CACNA1A: variants seen among roughly 807,000 people sequenced by gnomAD.
The protein encoded by CACNA1A is voltage-dependent P/Q-type calcium channel subunit alpha-1A.
A neutral mutation model predicts 262.4 loss-of-function variants in CACNA1A; 57 were observed. That is an observed-to-expected ratio of 0.22 (90% confidence interval 0.18 to 0.27). CACNA1A has a LOEUF of 0.27. CACNA1A is among the 10% of genes least tolerant of loss of function. The probability of loss-of-function intolerance (pLI) is 1.00; values close to 1 mark genes in which losing one functional copy is unlikely to be tolerated. For missense variants in CACNA1A, 2,526 were observed against 3,562.8 expected, an observed-to-expected ratio of 0.71 and a Z score of 7.41; for synonymous variants, 1,431 against 1,419.3, an observed-to-expected ratio of 1.01 and a Z score of -0.18.
At chr19:13,474,906 T>C (rs1194175002) in intron 1 of CACNA1A, among the ~76,000 whole-genome samples, 2 of 151,858 alleles carry the variant, frequency 1.3e-5, no homozygotes, top group South Asian at 2.1e-4. Flanking sequence ...AAAAAGGTCA[T>C]AGAAACAAGG....
chr19:13,305,753 G>A (rs1373749146), intron 15 of CACNA1A, among the ~76,000 whole-genome samples: 2 of 152,158 alleles, frequency 1.3e-5, no homozygotes, highest in African/African-American at 4.8e-5. Flanking sequence ...CATGACTAGC[G>A]ATCAGTGCTA....
intron 11 of CACNA1A, among the ~76,000 whole-genome samples, chr19:13,314,488 G>A (rs1205648732): frequency 1.3e-5 from 2 of 152,126 alleles, no homozygotes; most frequent in Non-Finnish European, 1.5e-5. Context: ...GAGGAAGTTT[G>A]TCCCTCTTGC....
intron 24 of CACNA1A, chr19:13,273,723 C>G (rs1018211127): frequency 4.6e-5 from 7 of 151,956 alleles, no homozygotes; most frequent in African/African-American, 7.3e-5. Context: ...TTCTAAATAG[C>G]AAATTCATTG....
At chr19:13,492,243 G>A (rs541327783) in intron 1 of CACNA1A, among the ~76,000 whole-genome samples, 3 of 152,162 alleles carry the variant, frequency 2.0e-5, no homozygotes, top group Middle Eastern at 3.4e-3. Flanking sequence ...CAAAGACATC[G>A]GTAAAGAATG....
chr19:13,395,273 C>CAAAAA (rs58840618), intron 3 of CACNA1A, among the ~76,000 whole-genome samples: 3 of 88,872 alleles, frequency 3.4e-5, no homozygotes, highest in Admixed American at 1.3e-4. Context: ...GACTCCATCT[C>CAAAAA]AAAAAAAAAA....
chr19:13,208,647 C>T, intron 46 of CACNA1A, 109 bp downstream of exon 46: 1 of 1,356,482 alleles, frequency 7.4e-7, no homozygotes, highest in Non-Finnish European at 9.8e-7. Flanking sequence ...GTGGTCACAG[C>T]CGGGATCCGG....
rs974515720 is a variant in CACNA1A, at chr19:13,293,439, C to CTTTTTTTT, written c.3089+5097_3089+5104dup. 1.2e-3 allele frequency among the ~76,000 whole-genome samples: 101 copies of CTTTTTTTT among 80,894 alleles called. 2 individuals are homozygous for CTTTTTTTT. Among genetic ancestry groups the CTTTTTTTT allele is most frequent in the East Asian group, 3.0e-3 (6 of 2,024 alleles). The allele number at this position is 80,894 out of a possible 152,430, so 53.1% of individuals were successfully genotyped here. A position where few individuals can be genotyped will look rare whatever the true frequency, so the allele number is the denominator to read the frequency against. The stretch of plus-strand genomic sequence containing the variant: ...TTTACACGTACTAACTCAGTTAAAT[C>CTTTTTTTT]TTTTTTTTTTTTTTTTTTTTTTTTG... On this transcript the variant is annotated intron_variant, in intron 19 of 46. Transcript: ENST00000360228.
At chr19:13,437,868 C>A (rs2060641127) in intron 3 of CACNA1A, among the ~76,000 whole-genome samples, 1 of 151,962 alleles carries the variant, frequency 6.6e-6, no homozygotes. Flanking sequence ...AACATTTCAA[C>A]AAACAAAATC....
chr19:13,440,897 C>T (rs959184031), intron 3 of CACNA1A, among the ~76,000 whole-genome samples: 9 of 152,240 alleles, frequency 5.9e-5, no homozygotes, highest in Non-Finnish European at 8.8e-5. Flanking sequence ...ACTTGACCTC[C>T]TGGGCTCAAG....
intron 30 of CACNA1A, among the ~76,000 whole-genome samples, chr19:13,249,162 G>C (rs2056329721): frequency 6.6e-6 from 1 of 152,108 alleles, no homozygotes; most frequent in Non-Finnish European, 1.5e-5. Flanking sequence ...ATGAGGTCTT[G>C]CTATGTTGCC....
At chr19:13,468,657 C>T (rs1039933362) in intron 1 of CACNA1A, among the ~76,000 whole-genome samples, 24 of 152,052 alleles carry the variant, frequency 1.6e-4, no homozygotes, top group African/African-American at 5.1e-4. Context: ...CATGGTGGTG[C>T]GTGCTTGTAA....
intron 6 of CACNA1A, among the ~76,000 whole-genome samples, chr19:13,341,201 C>G (rs954510285): frequency 1.3e-5 from 2 of 152,172 alleles, no homozygotes; most frequent in Non-Finnish European, 2.9e-5. Flanking sequence ...GGTGATACGT[C>G]TACAAGACAA....
At chr19:13,346,236 G>T (rs955206612) in intron 6 of CACNA1A, among the ~76,000 whole-genome samples, 3 of 151,744 alleles carry the variant, frequency 2.0e-5, no homozygotes. Context: ...TCCTTCATCA[G>T]CTCCTTCCTT....
chr19:13,491,074 T>C (rs1177289439), intron 1 of CACNA1A, among the ~76,000 whole-genome samples: 1 of 152,220 alleles, frequency 6.6e-6, no homozygotes, highest in African/African-American at 2.4e-5. Context: ...TTAACCATCG[T>C]CCCGCGACAT....
intron 6 of CACNA1A, among the ~76,000 whole-genome samples, 199 bp downstream of exon 6, chr19:13,359,407 A>G (rs2059063267): frequency 6.6e-6 from 1 of 152,178 alleles, no homozygotes; most frequent in Admixed American, 6.5e-5. Flanking sequence ...TCTATGCCCT[A>G]TAGTTAGAGT....
chr19:13,251,355 C>T (rs1012291334), intron 30 of CACNA1A, among the ~76,000 whole-genome samples: 1 of 151,950 alleles, frequency 6.6e-6, no homozygotes, highest in East Asian at 1.9e-4. Context: ...TGGTGGCAGG[C>T]ACCTGTAGTC....
At chr19:13,332,124 G>C (rs188903466) in intron 9 of CACNA1A, among the ~76,000 whole-genome samples, 1 of 151,648 alleles carries the variant, frequency 6.6e-6, no homozygotes, top group Non-Finnish European at 1.5e-5. Flanking sequence ...GGTTTCCAGG[G>C]GACCATGAAT....
chr19:13,347,064 TTTG>T (rs2058803276), intron 6 of CACNA1A, among the ~76,000 whole-genome samples: 1 of 76,620 alleles, frequency 1.3e-5, no homozygotes, highest in African/African-American at 4.1e-5. Flanking sequence ...TTTTTGTTTT[TTTG>T]TTTTTTTTTT....
At chr19:13,475,927 C>T (rs1978474413) in intron 1 of CACNA1A, among the ~76,000 whole-genome samples, 1 of 152,142 alleles carries the variant, frequency 6.6e-6, no homozygotes, top group Non-Finnish European at 1.5e-5. Context: ...GTTTTACACT[C>T]TTTTCAGGGA....
Sources: allele counts gnomAD v4.1 joint callset (sites outside exome capture counted in the v4.1 genomes callset), GRCh38; gene constraint gnomAD v4.1.1; transcripts MANE v1.5; gene names NCBI Gene and HGNC (gene_info 2026-07-23, HGNC 2026-07-21).